The following UBE2E1 variants were observed in gnomAD, a reference collection of about 807,000 sequenced individuals.
The protein encoded by UBE2E1 is ubiquitin-conjugating enzyme E2 E1.
In UBE2E1, 6 loss-of-function variants were observed where a neutral mutation model predicts 21.4. The observed-to-expected ratio is 0.28, with a 90% CI of 0.15 to 0.55. The LOEUF (loss-of-function observed/expected upper bound fraction) is 0.55, where lower values mean the gene tolerates loss of function less well. Among genes scored for constraint, UBE2E1 ranks in the 20% least tolerant of loss-of-function variants. The pLI is 0.93. For missense variants in UBE2E1, 142 were observed against 236.5 expected, an observed-to-expected ratio of 0.60 and a Z score of 2.62; for synonymous variants, 87 against 82.7, an observed-to-expected ratio of 1.05 and a Z score of -0.28.
chr3:23,879,205 C>CA, intron 3 of UBE2E1: 1 of 889,288 alleles, frequency 1.1e-6, no homozygotes, highest in Non-Finnish European at 1.7e-6. Context: ...GAGTCCACAA[C>CA]AAATACAATG....
In UBE2E1 at chr3:23,887,254, T is replaced by C. The variant is rs1350295836; in HGVS notation, c.204-313T>C. Among the ~76,000 whole-genome samples the C allele has an allele frequency of 6.6e-6, 1 of 152,206 alleles. No individual in the cohort carries two copies. The highest frequency in any genetic ancestry group is 1.5e-5 in the Non-Finnish European group (1 of 68,036). On this transcript the variant is annotated intron_variant, in intron 3 of 5. Transcript: ENST00000306627. This position sits in a 1 kb window ranked among gnomAD's most constrained non-coding sequence, Gnocchi z 4.4. The stretch of plus-strand genomic sequence containing the variant: ...CTAATTTCGCTTCTAGGTGCTGAGA[T>C]GTGTTTCCCATTTTAAGTATTGTTT...
At chr3:23,811,407 CT>C (rs1699389294) in intron 2 of UBE2E1, 52 bp from the exon 3 acceptor site, 2 of 1,587,124 alleles carry the variant, frequency 1.3e-6, no homozygotes, top group Non-Finnish European at 1.7e-6. Flanking sequence ...AGGTGGGAGG[CT>C]TCCGCGCCTT....
intron 3 of UBE2E1, among the ~76,000 whole-genome samples, chr3:23,877,459 C>T (rs1700940461): frequency 6.6e-6 from 1 of 152,060 alleles, no homozygotes. Flanking sequence ...TGAGATCATT[C>T]TTTGTGGGGG....
rs1256801289 is a variant in UBE2E1 at position 23,806,115 on chromosome 3, C to T, written c.-34+27C>T. The T allele has an allele frequency of 6.7e-6, 1 of 148,910 alleles. No homozygotes were observed. Among genetic ancestry groups the T allele is most frequent in the African/African-American group, 2.4e-5 (1 of 40,970 alleles). The allele number at this position is 148,910 out of a possible 1,614,324, so 9.2% of individuals were successfully genotyped here. A position where few individuals can be genotyped will look rare whatever the true frequency, so the allele number is the denominator to read the frequency against. On this transcript the variant is annotated intron_variant, in intron 1 of 5. Coordinates refer to ENST00000306627, the MANE Select transcript of UBE2E1 (RefSeq NM_003341.5). The surrounding 1 kb of genome is among the most constrained non-coding windows in gnomAD (Gnocchi z 6.5). Reference sequence around the variant, plus strand: ...TACGGGGATCCCCCCAGCGGCCCGCCGCCCCCCGGCCGCGCCGCCGGGCCT... The same window carrying T: ...TACGGGGATCCCCCCAGCGGCCCGCTGCCCCCCGGCCGCGCCGCCGGGCCT...
At position 23,863,066 on chromosome 3, in the gene UBE2E1, A is replaced by C. The variant is rs566795663; in HGVS notation, c.204-24501A>C. ...TTTCTTTGTTTGTTAAAAAAAAAAA[A>C]AAAAACTATTCCCAGCATTTTGCTC... On this transcript the variant is annotated intron_variant, in intron 3 of 5. Coordinates refer to ENST00000306627, the MANE Select transcript of UBE2E1 (RefSeq NM_003341.5). The surrounding 1 kb of genome is among the most constrained non-coding windows in gnomAD (Gnocchi z 4.3). Among the ~76,000 whole-genome samples the C allele has an allele frequency of 9.5e-4, 144 of 152,242 alleles. No homozygotes were observed. Among genetic ancestry groups the C allele is most frequent in the African/African-American group, 3.2e-3 (133 of 41,548 alleles).
At chr3:23,864,018 A>G (rs1700605020) in intron 3 of UBE2E1, among the ~76,000 whole-genome samples, 1 of 151,972 alleles carries the variant, frequency 6.6e-6, no homozygotes, top group African/African-American at 2.4e-5. Flanking sequence ...TTATGCCCTT[A>G]TTTTGCAGAG....
intron 3 of UBE2E1, among the ~76,000 whole-genome samples, chr3:23,884,317 A>G (rs1178738797): frequency 6.6e-6 from 1 of 152,214 alleles, no homozygotes; most frequent in Admixed American, 6.5e-5. Context: ...AAATGTTCAA[A>G]CTTATGCTCC....
At chr3:23,838,160 C>T (rs1479096030) in intron 3 of UBE2E1, among the ~76,000 whole-genome samples, 15 of 152,044 alleles carry the variant, frequency 9.9e-5, no homozygotes, top group Non-Finnish European at 1.5e-4. Flanking sequence ...CTCAGCCTCC[C>T]GGGCTCAAGT....
At chr3:23,874,985 C>G (rs1367902476) in intron 3 of UBE2E1, among the ~76,000 whole-genome samples, 1 of 152,166 alleles carries the variant, frequency 6.6e-6, no homozygotes, top group East Asian at 1.9e-4. Context: ...ATTCAGCCAT[C>G]CCTAGTTAAG....
intron 3 of UBE2E1, among the ~76,000 whole-genome samples, chr3:23,845,589 CTG>C (rs377458829): frequency 9.1e-4 from 111 of 121,346 alleles, no homozygotes; most frequent in African/African-American, 2.6e-3. Context: ...CTCTCTCTCT[CTG>C]TGTGTGTGTG....
chr3:23,873,035 C>T (rs1039975204), intron 3 of UBE2E1, among the ~76,000 whole-genome samples: 16 of 151,936 alleles, frequency 1.1e-4, no homozygotes, highest in Admixed American at 2.6e-4. Flanking sequence ...AAAAATTAAC[C>T]TAGAAGACTG....
chr3:23,826,297 C>T lies in UBE2E1; in HGVS notation c.203+14787C>T, dbSNP rs541067993. 5.3e-5 allele frequency among the ~76,000 whole-genome samples: 8 copies of T among 152,234 alleles called. No homozygotes were observed. In the East Asian group the frequency reaches 5.8e-4, roughly 11 times the overall value. ...TATAGCATTACTCAGCTGGTCTTGA[C>T]GTAAAGGTTGGATGAAGTGTGAATG... On this transcript the variant is annotated intron_variant, in intron 3 of 5. Coordinates refer to ENST00000306627, the MANE Select transcript of UBE2E1 (RefSeq NM_003341.5).
chr3:23,872,755 G>A (rs1045930918), intron 3 of UBE2E1, among the ~76,000 whole-genome samples: 5 of 152,084 alleles, frequency 3.3e-5, no homozygotes, highest in Admixed American at 1.3e-4. Context: ...GCAGTGGCTC[G>A]TGCCTGTAAT....
chr3:23,855,556 G>T (rs905296766), intron 3 of UBE2E1, among the ~76,000 whole-genome samples: 1 of 152,096 alleles, frequency 6.6e-6, no homozygotes, highest in African/African-American at 2.4e-5. Context: ...TAGGCCGGGC[G>T]CGGTGGCTCA....
chr3:23,821,522 A>G (rs570972969), intron 3 of UBE2E1, among the ~76,000 whole-genome samples: 13 of 152,326 alleles, frequency 8.5e-5, no homozygotes, highest in African/African-American at 2.2e-4. Flanking sequence ...TGCTAGTGGA[A>G]GAAGGGAGAC....
rs574822655 is a variant in UBE2E1, at chr3:23,849,027, G to A, written c.203+37517G>A. ...ATATACCATGTTTATCCATATGGTGGACATTTGGTTGTTTCCACCTTCAGC... is the reference window on the plus strand; with the variant it reads ...ATATACCATGTTTATCCATATGGTGAACATTTGGTTGTTTCCACCTTCAGC... On this transcript the variant is annotated intron_variant, in intron 3 of 5. Coordinates refer to ENST00000306627, the MANE Select transcript of UBE2E1 (RefSeq NM_003341.5). Among the ~76,000 whole-genome samples, 6 of 152,284 alleles carry A rather than the reference G, an allele frequency of 3.9e-5. No homozygotes were observed. In the South Asian group the frequency reaches 1.2e-3, roughly 32 times the overall value.
Position 23,806,461 on chromosome 3 carries a change from C to T in UBE2E1, c.-34+373C>T, listed in dbSNP as rs1400184856. Among the ~76,000 whole-genome samples the T allele has an allele frequency of 4.0e-5, 6 of 151,864 alleles. No homozygotes were observed. The highest frequency in any genetic ancestry group is 7.4e-5 in the Non-Finnish European group (5 of 67,876). ...GGGCGGGGGTTCGCGGGGATTAACC[C>T]CTCCGGGGCGGAAGGGCTCATTGTT... On this transcript the variant is annotated intron_variant, in intron 1 of 5. Transcript: ENST00000306627. This position sits in a 1 kb window ranked among gnomAD's most constrained non-coding sequence, Gnocchi z 6.5.
At chr3:23,841,500 T>C (rs1055372617) in intron 3 of UBE2E1, among the ~76,000 whole-genome samples, 1 of 152,224 alleles carries the variant, frequency 6.6e-6, no homozygotes, top group Non-Finnish European at 1.5e-5. Flanking sequence ...TTATATTATA[T>C]GTGTTGATTA....
chr3:23,875,473 T>C (rs1700895225), intron 3 of UBE2E1, among the ~76,000 whole-genome samples: 1 of 152,200 alleles, frequency 6.6e-6, no homozygotes, highest in African/African-American at 2.4e-5. Flanking sequence ...TTGGAACAAA[T>C]TTTAAAAATG....
Sources: gnomAD v4.1 joint callset for allele counts (sites outside exome capture counted in the v4.1 genomes callset) on GRCh38, gnomAD v4.1.1 for gene constraint, Gnocchi (gnomAD v3.1) non-coding constraint, MANE v1.5 for transcripts, NCBI Gene and HGNC (gene_info 2026-07-23, HGNC 2026-07-21) for gene names.